TRAF3: variants seen among roughly 807,000 people sequenced by gnomAD.
TRAF3 encodes TNF receptor-associated factor 3.
In TRAF3, 13 loss-of-function variants were observed where a neutral mutation model predicts 62.3. The observed-to-expected ratio is 0.21, with a 90% CI of 0.14 to 0.33. The LOEUF is 0.33. TRAF3 is among the 10% of genes least tolerant of loss of function. The pLI is 1.00. For synonymous variants in TRAF3, 269 were observed against 283.4 expected (o/e 0.95, Z 0.51); for missense variants, 440 against 741.8 (o/e 0.59, Z 4.73).
intron 4 of TRAF3, among the ~76,000 whole-genome samples, chr14:102,872,669 T>TC (rs1459845584): frequency 6.6e-6 from 1 of 151,074 alleles, no homozygotes; most frequent in Non-Finnish European, 1.5e-5. Flanking sequence ...TTCTTTTCTT[T>TC]TCTTTCTCTC....
chr14:102,884,503 T>C (rs1193024126), intron 6 of TRAF3, among the ~76,000 whole-genome samples: 1 of 152,068 alleles, frequency 6.6e-6, no homozygotes, highest in Non-Finnish European at 1.5e-5. Context: ...GAAATAGAAA[T>C]GATTAATATC....
intron 2 of TRAF3, among the ~76,000 whole-genome samples, chr14:102,836,153 G>A (rs1885989612): frequency 6.6e-6 from 1 of 152,242 alleles, no homozygotes; most frequent in South Asian, 2.1e-4. Context: ...CCGTGTGCAA[G>A]GTGTACTGCC....
chr14:102,856,436 G>T lies in TRAF3; in HGVS notation c.-17-13749G>T, dbSNP rs577143878. Among the ~76,000 whole-genome samples the T allele has an allele frequency of 1.3e-4, 20 of 152,298 alleles. No individual in the cohort carries two copies. The South Asian group carries it at 3.9e-3, about 30-fold the overall frequency. ...GTATCTGGAAACTGTCATGGTGCTGGTGGAAGTGTCTTTTAGCATGCTGAT... is the reference window on the plus strand; with the variant it reads ...GTATCTGGAAACTGTCATGGTGCTGTTGGAAGTGTCTTTTAGCATGCTGAT... On this transcript the variant is annotated intron_variant, in intron 2 of 11. Transcript: ENST00000392745.
chr14:102,876,710 A>G, intron 6 of TRAF3, 185 bp downstream of exon 6: 1 of 759,490 alleles, frequency 1.3e-6, no homozygotes, highest in South Asian at 1.6e-5. Flanking sequence ...CTCAATTCAT[A>G]GATAATCCGT....
At chr14:102,898,502 G>A (rs1373901426) in intron 10 of TRAF3, among the ~76,000 whole-genome samples, 1 of 152,242 alleles carries the variant, frequency 6.6e-6, no homozygotes, top group East Asian at 1.9e-4. Flanking sequence ...TGGCCATCCT[G>A]TGGCCCGCCT....
At chr14:102,899,002 C>T (rs755994270) in intron 10 of TRAF3, among the ~76,000 whole-genome samples, 1 of 152,148 alleles carries the variant, frequency 6.6e-6, no homozygotes, top group Non-Finnish European at 1.5e-5. Flanking sequence ...GGAGGCTGGG[C>T]GTGGCGGAGA....
chr14:102,823,520 G>A (rs1416689197), intron 1 of TRAF3, among the ~76,000 whole-genome samples: 1 of 152,146 alleles, frequency 6.6e-6, no homozygotes, highest in African/African-American at 2.4e-5. Flanking sequence ...GAGAGGGGGA[G>A]TTCTCACAGG....
chr14:102,840,404 A>AT (rs1002109736), intron 2 of TRAF3, among the ~76,000 whole-genome samples: 92 of 150,468 alleles, frequency 6.1e-4, no homozygotes, highest in African/African-American at 2.0e-3. Context: ...ATAATTTTTT[A>AT]TTTTTTTTTG....
At chr14:102,893,139 A>G (rs915989463) in intron 9 of TRAF3, among the ~76,000 whole-genome samples, 1 of 152,092 alleles carries the variant, frequency 6.6e-6, no homozygotes, top group African/African-American at 2.4e-5. Flanking sequence ...CTGTAATCCC[A>G]GCACTTTGGG....
chr14:102,804,748 A>G (rs371003304), intron 1 of TRAF3, among the ~76,000 whole-genome samples: 3 of 152,226 alleles, frequency 2.0e-5, no homozygotes, highest in Admixed American at 1.3e-4. Context: ...CAGCATCCCA[A>G]AGTGCTGGGA....
At chr14:102,870,507 CT>C in intron 3 of TRAF3, 61 bp downstream of exon 3, 1 of 1,593,928 alleles carries the variant, frequency 6.3e-7, no homozygotes, top group Non-Finnish European at 8.5e-7. Flanking sequence ...TCACCCTCTC[CT>C]TCATTCGTTT....
intron 2 of TRAF3, among the ~76,000 whole-genome samples, chr14:102,838,693 C>T (rs537056658): frequency 2.0e-5 from 3 of 152,256 alleles, no homozygotes; most frequent in East Asian, 1.9e-4. Flanking sequence ...GCAGAGTTTG[C>T]AAGTCCACTC....
intron 7 of TRAF3, 65 bp downstream of exon 7, chr14:102,886,334 T>G (rs2139917877): frequency 7.2e-7 from 1 of 1,397,096 alleles, no homozygotes; most frequent in South Asian, 1.2e-5. Context: ...TGGCTCCCCT[T>G]CCCTGCATAG....
intron 1 of TRAF3, among the ~76,000 whole-genome samples, chr14:102,813,872 T>A (rs1420150988): frequency 6.6e-6 from 1 of 152,192 alleles, no homozygotes; most frequent in African/African-American, 2.4e-5. Context: ...TAGGTTGGCT[T>A]TTCATTCTAT....
intron 2 of TRAF3, among the ~76,000 whole-genome samples, chr14:102,833,765 C>T (rs1206498718): frequency 6.6e-6 from 1 of 151,828 alleles, no homozygotes; most frequent in African/African-American, 2.4e-5. Flanking sequence ...GAGGTCGAGG[C>T]GGGTGGATCA....
At chr14:102,821,973 C>T (rs1345681480) in intron 1 of TRAF3, among the ~76,000 whole-genome samples, 1 of 152,106 alleles carries the variant, frequency 6.6e-6, no homozygotes, top group Admixed American at 6.5e-5. Context: ...ACCCTGGAGG[C>T]GGAGGTTGCA....
chr14:102,845,012 C>T (rs1408723806), intron 2 of TRAF3, among the ~76,000 whole-genome samples: 1 of 151,898 alleles, frequency 6.6e-6, no homozygotes, highest in Non-Finnish European at 1.5e-5. Context: ...ATTCTCCTGC[C>T]TCAGCCTCCT....
chr14:102,831,181 G>C (rs1900658313), intron 2 of TRAF3, among the ~76,000 whole-genome samples: 1 of 152,162 alleles, frequency 6.6e-6, no homozygotes, highest in African/African-American at 2.4e-5. Context: ...CCCTCACCCA[G>C]CAGTATGGCC....
chr14:102,807,874 C>A (rs1898868652), intron 1 of TRAF3, among the ~76,000 whole-genome samples: 2 of 152,006 alleles, frequency 1.3e-5, no homozygotes, highest in Non-Finnish European at 2.9e-5. Context: ...AGTTAGTTGG[C>A]CTTTTTACGA....
Sources: allele counts gnomAD v4.1 joint callset (sites outside exome capture counted in the v4.1 genomes callset), GRCh38; gene constraint gnomAD v4.1.1; transcripts MANE v1.5; gene names NCBI Gene and HGNC (gene_info 2026-07-23, HGNC 2026-07-21).